The following RNF125 variants were observed in gnomAD, a reference collection of about 807,000 sequenced individuals.
RNF125 encodes the protein ring finger protein 125.
Under a neutral mutation model 26.0 loss-of-function variants are expected in RNF125, and 21 were observed. The observed-to-expected ratio is 0.81, with a 90% CI of 0.57 to 1.16. RNF125 has a LOEUF of 1.16. Ranked by LOEUF, RNF125 falls within the 50% of genes most tolerant of loss-of-function variation. The probability of loss-of-function intolerance (pLI) is 0.00; values close to 1 mark genes in which losing one functional copy is unlikely to be tolerated. For missense variants in RNF125, 270 were observed against 299.4 expected, an observed-to-expected ratio of 0.90 and a Z score of 0.72; for synonymous variants, 95 against 109.2, an observed-to-expected ratio of 0.87 and a Z score of 0.81.
downstream of RNF125, chr18:32,076,324 G>GT (rs566452118): frequency 0.014 from 3,830 of 264,548 alleles, no homozygotes; most frequent in South Asian, 0.028. Flanking sequence ...TTGTTTTTTT[G>GT]TTTTTTTTTT....
chr18:32,043,970 T>C (rs1460539720), intron 3 of RNF125, among the ~76,000 whole-genome samples: 1 of 152,044 alleles, frequency 6.6e-6, no homozygotes, highest in Non-Finnish European at 1.5e-5. Context: ...TAAGGCAGTG[T>C]TGTCCAGTAG....
At chr18:32,021,246 A>AT (rs1227466073) in intron 1 of RNF125, among the ~76,000 whole-genome samples, 13 of 152,030 alleles carry the variant, frequency 8.6e-5, no homozygotes, top group Non-Finnish European at 1.6e-4. Flanking sequence ...CGCCCGGCTA[A>AT]TTTTTTTGTA....
At chr18:32,066,129 A>G in intron 5 of RNF125, 120 bp downstream of exon 5, 1 of 623,634 alleles carries the variant, frequency 1.6e-6, no homozygotes, top group South Asian at 2.0e-5. Context: ...AGTGTTGAGT[A>G]TTAGCATTAA....
At chr18:32,029,746 G>A (rs115866334) in intron 1 of RNF125, among the ~76,000 whole-genome samples, 1,582 of 152,306 alleles carry the variant, frequency 0.01, 32 homozygotes, top group Middle Eastern at 0.048. Context: ...GTGAATAAAC[G>A]GGGTCAGAGA....
chr18:32,032,664 C>T (rs1182664029), intron 1 of RNF125, among the ~76,000 whole-genome samples: 1 of 152,044 alleles, frequency 6.6e-6, no homozygotes, highest in Non-Finnish European at 1.5e-5. Flanking sequence ...CTCGCTTCTT[C>T]AATGGACTAC....
At chr18:32,082,915 G>A in the RNF125 span, among the ~76,000 whole-genome samples, 87 of 152,204 alleles carry the variant, frequency 5.7e-4, 1 homozygote, top group African/African-American at 1.9e-3. Context: ...CCCCAAACAG[G>A]GTAGTCTCCT....
rs2039513669 is a variant in RNF125, at chr18:32,069,329, A to G, written c.*945A>G. Reference sequence around the variant, plus strand: ...ATAACTGCATACATAAGAATTCAATATTTTTCAAATATTTATAGCTTATTT... The same window carrying G: ...ATAACTGCATACATAAGAATTCAATGTTTTTCAAATATTTATAGCTTATTT... On this transcript the variant is annotated 3_prime_UTR_variant, in exon 6 of 6. Transcript: ENST00000217740. 1 of 152,132 alleles carries G rather than the reference A, an allele frequency of 6.6e-6. No homozygotes were observed. Among genetic ancestry groups the G allele is most frequent in the Non-Finnish European group, 1.5e-5 (1 of 68,032 alleles). 9.4% of individuals were successfully genotyped at this position (152,132 alleles called of 1,614,324 possible). A position where few individuals can be genotyped will look rare whatever the true frequency, so the allele number is the denominator to read the frequency against.
At position 32,068,945 on chromosome 18, in the gene RNF125, C is replaced by T. The variant is rs1361778774; in HGVS notation, c.*561C>T. The T allele has an allele frequency of 1.3e-5, 2 of 152,328 alleles. No homozygotes were observed. The highest frequency in any genetic ancestry group is 4.8e-5 in the African/African-American group (2 of 41,400). 9.4% of individuals were successfully genotyped at this position (152,328 alleles called of 1,614,324 possible). Reference sequence around the variant, plus strand: ...ACGCGGTGGCTTACGCTTGTAATCCCAGCACTTTGGGAGGCTGAAGCAGGC... The same window carrying T: ...ACGCGGTGGCTTACGCTTGTAATCCTAGCACTTTGGGAGGCTGAAGCAGGC... On this transcript the variant is annotated 3_prime_UTR_variant, in exon 6 of 6. Transcript: ENST00000217740.
the RNF125 span, among the ~76,000 whole-genome samples, chr18:32,085,921 A>T: frequency 1.3e-5 from 2 of 152,162 alleles, no homozygotes; most frequent in East Asian, 3.8e-4. Flanking sequence ...TGCCTAGGTC[A>T]GATACTTCCA....
chr18:32,070,217 T>G lies in RNF125; in HGVS notation c.*1833T>G, dbSNP rs939144421. 2.6e-5 allele frequency: 4 copies of G among 152,218 alleles called. No individual in the cohort carries two copies. The highest frequency in any genetic ancestry group is 9.7e-5 in the African/African-American group (4 of 41,428). 9.4% of individuals were successfully genotyped at this position (152,218 alleles called of 1,614,324 possible). A position where few individuals can be genotyped will look rare whatever the true frequency, so the allele number is the denominator to read the frequency against. On this transcript the variant is annotated 3_prime_UTR_variant, in exon 6 of 6. Coordinates refer to ENST00000217740, the MANE Select transcript of RNF125 (RefSeq NM_017831.4). ...CACCATGCCCGGCTAATTTTTGTAT[T>G]TTTAGTAGAGGGGTTTCACCATAAT... is the stretch of plus-strand genomic sequence containing the variant.
At chr18:32,055,650 T>C (rs2039373446) in intron 4 of RNF125, among the ~76,000 whole-genome samples, 5 of 152,064 alleles carry the variant, frequency 3.3e-5, no homozygotes, top group Admixed American at 3.3e-4. Flanking sequence ...CTACACCTGG[T>C]CTCTCCCTTG....
chr18:32,064,864 G>T (rs2039469821), intron 4 of RNF125, among the ~76,000 whole-genome samples: 2 of 151,988 alleles, frequency 1.3e-5, no homozygotes, highest in South Asian at 4.1e-4. Context: ...GCCATTTCTG[G>T]TCATTTCTCC....
At chr18:32,062,649 TAAAG>T (rs1247238893) in intron 4 of RNF125, among the ~76,000 whole-genome samples, 2 of 152,166 alleles carry the variant, frequency 1.3e-5, no homozygotes, top group African/African-American at 2.4e-5. Flanking sequence ...CTCATTTAAA[TAAAG>T]AAAAACATTA....
the RNF125 span, among the ~76,000 whole-genome samples, chr18:32,089,893 G>A: frequency 6.6e-6 from 1 of 152,180 alleles, no homozygotes; most frequent in Non-Finnish European, 1.5e-5. Flanking sequence ...CTATTATACA[G>A]AAAATACACC....
chr18:32,038,915 A>G (rs10438934), intron 2 of RNF125, among the ~76,000 whole-genome samples: 92,420 of 151,164 alleles, frequency 0.61, 28,614 homozygotes, highest in African/African-American at 0.72. Context: ...ACAGGGGCCC[A>G]ACACCACGCC....
intron 4 of RNF125, among the ~76,000 whole-genome samples, chr18:32,048,109 AT>A (rs1212803647): frequency 2.0e-5 from 3 of 151,880 alleles, no homozygotes; most frequent in Non-Finnish European, 4.4e-5. Context: ...AGCCTGGGTG[AT>A]AAAACAAGAA....
intron 1 of RNF125, among the ~76,000 whole-genome samples, chr18:32,030,083 C>CA (rs1015466015): frequency 6.6e-6 from 1 of 152,192 alleles, no homozygotes; most frequent in Non-Finnish European, 1.5e-5. Flanking sequence ...CTCGCTCTGT[C>CA]ACCCAGGCTG....
intron 1 of RNF125, among the ~76,000 whole-genome samples, chr18:32,027,793 A>G (rs1021433091): frequency 2.0e-5 from 3 of 152,136 alleles, no homozygotes; most frequent in African/African-American, 4.8e-5. Context: ...AAGCATACAC[A>G]TTTATTAATA....
rs1456883547 is a variant in RNF125, at chr18:32,069,431, C to T, written c.*1047C>T. On this transcript the variant is annotated 3_prime_UTR_variant, in exon 6 of 6. Coordinates refer to ENST00000217740, the MANE Select transcript of RNF125 (RefSeq NM_017831.4). ...TACAGTATAAGTATTCACATCCAGA[C>T]TTTTTAGTAGAAAACCCTAAGGGCT... 1 of 152,028 alleles carries T rather than the reference C, an allele frequency of 6.6e-6. No individual in the cohort carries two copies. The highest frequency in any genetic ancestry group is 2.4e-5 in the African/African-American group (1 of 41,392). The allele number at this position is 152,028 out of a possible 1,614,324, so 9.4% of individuals were successfully genotyped here.
Sources: gnomAD v4.1 joint callset for allele counts (sites outside exome capture counted in the v4.1 genomes callset) on GRCh38, gnomAD v4.1.1 for gene constraint, MANE v1.5 for transcripts, NCBI Gene and HGNC (gene_info 2026-07-23, HGNC 2026-07-21) for gene names.